NUDCD3: variants seen among roughly 807,000 people sequenced by gnomAD.
The protein encoded by NUDCD3 is nudC domain-containing protein 3.
A neutral mutation model predicts 39.7 loss-of-function variants in NUDCD3; 13 were observed. The observed-to-expected ratio is 0.33, with a 90% CI of 0.21 to 0.52. The LOEUF (loss-of-function observed/expected upper bound fraction) is 0.52. Ranked by LOEUF, NUDCD3 falls within the 20% of genes least tolerant of loss-of-function variation. NUDCD3 has a pLI of 0.96. For missense variants in NUDCD3, 453 were observed against 458.1 expected, an observed-to-expected ratio of 0.99 and a Z score of 0.10; for synonymous variants, 175 against 172.4, an observed-to-expected ratio of 1.02 and a Z score of -0.12.
chr7:44,477,757 T>C (rs1800404126), intron 2 of NUDCD3, among the ~76,000 whole-genome samples: 1 of 152,026 alleles, frequency 6.6e-6, no homozygotes, highest in African/African-American at 2.4e-5. Context: ...AGTCTAGTAT[T>C]ACATAAACAC....
intron 5 of NUDCD3, among the ~76,000 whole-genome samples, chr7:44,386,848 T>C (rs1798410885): frequency 6.6e-6 from 1 of 152,120 alleles, no homozygotes. Flanking sequence ...TCAGGGAGAT[T>C]GGACCCTGAG....
intron 2 of NUDCD3, among the ~76,000 whole-genome samples, chr7:44,456,737 T>C (rs745881804): frequency 2.0e-5 from 3 of 149,824 alleles, no homozygotes; most frequent in Non-Finnish European, 4.4e-5. Context: ...GCCTGCGTGA[T>C]AGAGCAAGAC....
Position 44,449,049 on chromosome 7 carries a change from A to G in NUDCD3, c.510-21346T>C, listed in dbSNP as rs143332377. On this transcript the variant is annotated intron_variant, in intron 2 of 5. Transcript: ENST00000355451. ...GGACCAAACACAGGGAGTGGTAGAG[A>G]GCATGGAACAGAGGTCAGAGTGAAT... 4.2e-3 allele frequency among the ~76,000 whole-genome samples: 647 copies of G among 152,296 alleles called. 7 individuals are homozygous for G. Among genetic ancestry groups the G allele is most frequent in the African/African-American group, 0.015 (616 of 41,566 alleles).
In NUDCD3 at chr7:44,490,611, G is replaced by T. The variant is rs960119827; in HGVS notation, c.-11C>A. 1.1e-5 allele frequency: 17 copies of T among 1,596,224 alleles called. No homozygotes were observed. Among genetic ancestry groups the T allele is most frequent in the Middle Eastern group, 1.7e-4 (1 of 6,022 alleles). ...CGCCCCTGTCTCCATGTCGCCTCCCGCCCTAGGTACGCTTCACACACACAG... is the reference window on the plus strand; with the variant it reads ...CGCCCCTGTCTCCATGTCGCCTCCCTCCCTAGGTACGCTTCACACACACAG... On this transcript the variant is annotated 5_prime_UTR_variant, in exon 1 of 6. Coordinates refer to ENST00000355451, the MANE Select transcript of NUDCD3 (RefSeq NM_015332.4).
chr7:44,429,646 G>A (rs1799313437), intron 2 of NUDCD3, among the ~76,000 whole-genome samples: 1 of 152,190 alleles, frequency 6.6e-6, no homozygotes, highest in Non-Finnish European at 1.5e-5. Context: ...TTCAATCAGA[G>A]GTGATATTCA....
chr7:44,485,379 T>A, intron 1 of NUDCD3, 95 bp from the exon 2 acceptor site: 3 of 1,124,838 alleles, frequency 2.7e-6, no homozygotes, highest in Non-Finnish European at 3.8e-6. Flanking sequence ...AGGAGAGAAC[T>A]AAAAGTCAGA....
intron 4 of NUDCD3, 28 bp from the exon 5 acceptor site, chr7:44,392,513 G>T: frequency 6.2e-7 from 1 of 1,603,248 alleles, no homozygotes; most frequent in Non-Finnish European, 8.5e-7. Context: ...AGAGACCTGA[G>T]TCAGAGACCT....
At chr7:44,419,718 T>C (rs1799101910) in intron 3 of NUDCD3, among the ~76,000 whole-genome samples, 1 of 151,778 alleles carries the variant, frequency 6.6e-6, no homozygotes. Context: ...GGGTCTGGAG[T>C]GGACCTCAGC....
chr7:44,389,702 C>T (rs541791342), intron 5 of NUDCD3, among the ~76,000 whole-genome samples: 3 of 152,236 alleles, frequency 2.0e-5, no homozygotes, highest in South Asian at 2.1e-4. Flanking sequence ...TCTTCCTCAC[C>T]GACGTGCCCC....
intron 4 of NUDCD3, among the ~76,000 whole-genome samples, chr7:44,401,018 C>G (rs1475789848): frequency 6.6e-6 from 1 of 152,122 alleles, no homozygotes. Flanking sequence ...GATAAGAAAC[C>G]AACAAACATT....
intron 2 of NUDCD3, among the ~76,000 whole-genome samples, chr7:44,456,038 A>G (rs1489405134): frequency 7.8e-6 from 1 of 127,514 alleles, no homozygotes; most frequent in Admixed American, 7.3e-5. Flanking sequence ...AAAAAAAAAA[A>G]AAAAAAAAAA....
chr7:44,467,985 A>C (rs1800157071), intron 2 of NUDCD3: 1 of 1,612,540 alleles, frequency 6.2e-7, no homozygotes, highest in Non-Finnish European at 8.5e-7. Flanking sequence ...CAATATGTCA[A>C]AATTAAGCGT....
intron 2 of NUDCD3, among the ~76,000 whole-genome samples, chr7:44,444,311 T>A (rs916907466): frequency 5.3e-5 from 8 of 152,134 alleles, no homozygotes; most frequent in Non-Finnish European, 1.2e-4. Flanking sequence ...CCTCTGCCCC[T>A]CTTCTTTCTG....
At chr7:44,394,000 C>G (rs1001231683) in intron 4 of NUDCD3, among the ~76,000 whole-genome samples, 1 of 152,212 alleles carries the variant, frequency 6.6e-6, no homozygotes, top group Admixed American at 6.5e-5. Context: ...CTGCCAAAAC[C>G]TACCCACACC....
chr7:44,450,751 A>G (rs1419242998), intron 2 of NUDCD3, among the ~76,000 whole-genome samples: 1 of 152,192 alleles, frequency 6.6e-6, no homozygotes, highest in Non-Finnish European at 1.5e-5. Context: ...CTGGCACCTG[A>G]CATATGGAAT....
chr7:44,423,812 C>G (rs1345989925), intron 3 of NUDCD3, among the ~76,000 whole-genome samples: 1 of 152,154 alleles, frequency 6.6e-6, no homozygotes, highest in Non-Finnish European at 1.5e-5. Context: ...TCATATGGAA[C>G]CAAAGAACAG....
At chr7:44,486,828 C>T (rs1020456030) in intron 1 of NUDCD3, among the ~76,000 whole-genome samples, 2 of 152,312 alleles carry the variant, frequency 1.3e-5, no homozygotes, top group East Asian at 3.9e-4. Flanking sequence ...CTTCTCTGAC[C>T]TACCCATTCA....
chr7:44,449,257 G>T (rs1386832296), intron 2 of NUDCD3, among the ~76,000 whole-genome samples: 1 of 152,212 alleles, frequency 6.6e-6, no homozygotes, highest in South Asian at 2.1e-4. Context: ...AATCAGGAAA[G>T]TACAGAAGCC....
At chr7:44,466,757 C>CT (rs2116957464) in intron 2 of NUDCD3, among the ~76,000 whole-genome samples, 1 of 152,374 alleles carries the variant, frequency 6.6e-6, no homozygotes, top group South Asian at 2.1e-4. Context: ...TTGGGAAGCT[C>CT]TAGCAGCAGC....
Sources: gnomAD v4.1 joint callset for allele counts (sites outside exome capture counted in the v4.1 genomes callset) on GRCh38, gnomAD v4.1.1 for gene constraint, MANE v1.5 for transcripts, NCBI Gene and HGNC (gene_info 2026-07-23, HGNC 2026-07-21) for gene names.